The following LPAR6 variants were observed in gnomAD, a reference collection of about 807,000 sequenced individuals.
LPAR6 encodes G-protein coupled purinergic receptor P2Y5.
LPAR6 carries 17 observed loss-of-function variants against 22.0 expected under a neutral mutation model. The ratio of observed to expected loss-of-function variants is 0.77; its 90% CI spans 0.53 to 1.16. The LOEUF (loss-of-function observed/expected upper bound fraction) is 1.16. Among genes scored for constraint, LPAR6 ranks in the 50% most tolerant of loss-of-function variants. The probability of loss-of-function intolerance (pLI) is 0.00; values close to 1 mark genes in which losing one functional copy is unlikely to be tolerated. For synonymous variants in LPAR6, 136 were observed against 139.8 expected (o/e 0.97, Z 0.19); for missense variants, 384 against 406.9 (o/e 0.94, Z 0.48).
Position 48,411,494 on chromosome 13 carries a change from C to G in LPAR6, c.930G>C (p.Arg310Ser). 6.2e-7 allele frequency: 1 copy of G among 1,612,644 alleles called. No homozygotes were observed. The highest frequency in any genetic ancestry group is 8.5e-7 in the Non-Finnish European group (1 of 1,179,206). The stretch of plus-strand genomic sequence containing the variant: ...CTTCAGAGAATCTGAAGTCACTTCT[C>G]CTGACAGACCAGTTTTTCATTTTTA... The part of the protein sequence containing the change: ...NSIKMKNWSV[R>S]RSDFRFSEVH... The change falls in exon 1 of 1, where the codon AGG becomes AGC. Residue 310 changes from arginine to serine, a missense_variant. Coordinates refer to ENST00000620633, the MANE Select transcript of LPAR6 (RefSeq NM_001162498.3).
At chr13:48,424,473 A>G (rs1949051552) in intron 1 of LPAR6, among the ~76,000 whole-genome samples, 1 of 152,238 alleles carries the variant, frequency 6.6e-6, no homozygotes, top group Admixed American at 6.5e-5. Flanking sequence ...GATGGGAATG[A>G]TGGTTGAAGC....
upstream of LPAR6, chr13:48,413,149 T>C (rs1948847148): frequency 6.0e-6 from 1 of 167,290 alleles, no homozygotes; most frequent in Non-Finnish European, 1.5e-5. Context: ...ATTTGTAATA[T>C]GACATCACAG....
At chr13:48,413,284 T>C (rs1948850086), upstream of LPAR6, among the ~76,000 whole-genome samples, 1 of 152,224 alleles carries the variant, frequency 6.6e-6, no homozygotes, top group Admixed American at 6.5e-5. Flanking sequence ...GCTGTTGAAC[T>C]GCGTGGTCTG....
At position 48,411,303 on chromosome 13, in the gene LPAR6, G is replaced by A; in HGVS notation, c.*86C>T. The A allele has an allele frequency of 1.8e-6, 2 of 1,088,342 alleles. No individual in the cohort carries two copies. Among genetic ancestry groups the A allele is most frequent in the Non-Finnish European group, 1.4e-6 (1 of 714,388 alleles). The allele number at this position is 1,088,342 out of a possible 1,614,324, so 67.4% of individuals were successfully genotyped here. ...GTCCATGTGTTAATTTCTTTTGGAG[G>A]TGGAAAAATAGTTTGTCCAAAAAGA... On this transcript the variant is annotated 3_prime_UTR_variant, in exon 1 of 1. Transcript: ENST00000620633.
In LPAR6 at chr13:48,411,633, G is replaced by A. The variant is rs1349678844; in HGVS notation, c.791C>T (p.Ser264Leu). The change falls in exon 1 of 1, where the codon TCA (serine) becomes TTA (leucine). Residue 264 changes from serine to leucine, a missense_variant. Coordinates refer to ENST00000620633, the MANE Select transcript of LPAR6 (RefSeq NM_001162498.3). ...CATTGTCCTTACTGCTGCCACTACT[G>A]AGCAATTAACAAATGTTTGTGTTCT... Reference protein sequence around the residue: ...LVRTQTFVNCSVVAAVRTMYP... With the variant: ...LVRTQTFVNCLVVAAVRTMYP... 6.2e-7 allele frequency: 1 copy of A among 1,611,736 alleles called. No individual in the cohort carries two copies. The highest frequency in any genetic ancestry group is 8.5e-7 in the Non-Finnish European group (1 of 1,178,076).
At chr13:48,416,374 T>A (rs904444369), upstream of LPAR6, 1 of 152,288 alleles carries the variant, frequency 6.6e-6, no homozygotes, top group African/African-American at 2.4e-5. Flanking sequence ...TGAGGGAATG[T>A]GCCACGAGGA....
chr13:48,431,339 AT>A (rs1366943818), upstream of LPAR6, among the ~76,000 whole-genome samples: 1 of 152,160 alleles, frequency 6.6e-6, no homozygotes, highest in East Asian at 1.9e-4. Flanking sequence ...TAGATGATTG[AT>A]TTTTAAGGAC....
chr13:48,436,899 A>G (rs1388955884), intron 1 of LPAR6, among the ~76,000 whole-genome samples: 3 of 152,142 alleles, frequency 2.0e-5, no homozygotes, highest in Admixed American at 2.0e-4. Flanking sequence ...CCAGAAAACA[A>G]TAGCAATTTC....
At chr13:48,390,247 A>G (rs1263625787) in intron 1 of LPAR6, among the ~76,000 whole-genome samples, 1 of 152,200 alleles carries the variant, frequency 6.6e-6, no homozygotes, top group Non-Finnish European at 1.5e-5. Flanking sequence ...AGTTGAACGT[A>G]ATGAATTTAA....
chr13:48,405,074 A>G (rs1305101937), intron 1 of LPAR6, among the ~76,000 whole-genome samples: 1 of 152,196 alleles, frequency 6.6e-6, no homozygotes, highest in Non-Finnish European at 1.5e-5. Flanking sequence ...AAAAAATGAA[A>G]AAAGAATCCA....
chr13:48,416,026 CTG>C (rs1175785091), upstream of LPAR6, among the ~76,000 whole-genome samples: 1 of 151,992 alleles, frequency 6.6e-6, no homozygotes, highest in South Asian at 2.1e-4. Flanking sequence ...CTCAGGCAAA[CTG>C]TTATTTTAAT....
chr13:48,405,970 CATT>C (rs1240078720), intron 1 of LPAR6, among the ~76,000 whole-genome samples: 2 of 152,080 alleles, frequency 1.3e-5, no homozygotes, highest in Non-Finnish European at 2.9e-5. Context: ...AGATATTTCT[CATT>C]ATTACAGCTG....
At chr13:48,401,720 G>A (rs1258350642) in intron 1 of LPAR6, among the ~76,000 whole-genome samples, 1 of 152,148 alleles carries the variant, frequency 6.6e-6, no homozygotes, top group Non-Finnish European at 1.5e-5. Flanking sequence ...CTTCCTGTAA[G>A]TGCTAGATTT....
intron 1 of LPAR6, among the ~76,000 whole-genome samples, chr13:48,433,044 T>C (rs1032709190): frequency 2.0e-5 from 3 of 152,162 alleles, no homozygotes; most frequent in African/African-American, 7.2e-5. Flanking sequence ...TACTGTGTCT[T>C]ATAAACTCTG....
At chr13:48,441,432 CAT>C (rs909271256) in intron 1 of LPAR6, among the ~76,000 whole-genome samples, 1 of 152,144 alleles carries the variant, frequency 6.6e-6, no homozygotes, top group African/African-American at 2.4e-5. Context: ...GAAGTAGTAA[CAT>C]GTGCATATCA....
chr13:48,443,664 T>C (rs1436158647), intron 1 of LPAR6, among the ~76,000 whole-genome samples: 1 of 152,222 alleles, frequency 6.6e-6, no homozygotes, highest in Non-Finnish European at 1.5e-5. Context: ...TAACTAGCTT[T>C]TATTGTCAGT....
intron 1 of LPAR6, among the ~76,000 whole-genome samples, chr13:48,439,454 G>C (rs1267230053): frequency 6.6e-6 from 1 of 152,080 alleles, no homozygotes; most frequent in Non-Finnish European, 1.5e-5. Flanking sequence ...TCGAAATCAG[G>C]CATGATAGAA....
chr13:48,414,067 G>A (rs1020950807), upstream of LPAR6, among the ~76,000 whole-genome samples: 9 of 151,948 alleles, frequency 5.9e-5, no homozygotes, highest in African/African-American at 1.9e-4. Flanking sequence ...CATATTTTGG[G>A]CCAGGTGCAG....
At chr13:48,403,347 G>C (rs1948710463) in intron 1 of LPAR6, among the ~76,000 whole-genome samples, 1 of 151,974 alleles carries the variant, frequency 6.6e-6, no homozygotes, top group African/African-American at 2.4e-5. Flanking sequence ...TGACAAAAAA[G>C]ACACATATCA....
Sources: allele counts gnomAD v4.1 joint callset (sites outside exome capture counted in the v4.1 genomes callset), GRCh38; gene constraint gnomAD v4.1.1; transcripts MANE v1.5; gene names NCBI Gene and HGNC (gene_info 2026-07-23, HGNC 2026-07-21).